Variants in SNX25 observed in about 807,000 individuals in gnomAD.
The protein encoded by SNX25 is sorting nexin-25.
A neutral mutation model predicts 113.7 loss-of-function variants in SNX25; 62 were observed. That is an observed-to-expected ratio of 0.55 (90% confidence interval 0.44 to 0.67). The LOEUF (loss-of-function observed/expected upper bound fraction) is 0.67, where lower values mean the gene tolerates loss of function less well. Ranked by LOEUF, SNX25 falls within the 30% of genes least tolerant of loss-of-function variation. The pLI is 0.00. For missense variants in SNX25, 1,014 were observed against 1,161.0 expected (o/e 0.87, Z 1.84); for synonymous variants, 421 against 436.2 (o/e 0.97, Z 0.43).
intron 8 of SNX25, among the ~76,000 whole-genome samples, chr4:185,322,052 A>C (rs1325339517): frequency 1.3e-5 from 2 of 152,226 alleles, no homozygotes; most frequent in Non-Finnish European, 2.9e-5. Flanking sequence ...CCGTATATGT[A>C]TGTATATGTC....
At chr4:185,265,359 C>T (rs1039791105) in intron 4 of SNX25, among the ~76,000 whole-genome samples, 1 of 152,176 alleles carries the variant, frequency 6.6e-6, no homozygotes, top group Non-Finnish European at 1.5e-5. Context: ...AGACTATAAA[C>T]CTTATACCAT....
chr4:185,319,884 A>G (rs1462612333), intron 7 of SNX25, among the ~76,000 whole-genome samples: 1 of 152,218 alleles, frequency 6.6e-6, no homozygotes, highest in East Asian at 1.9e-4. Context: ...TCAGCTCAGC[A>G]TCACTGATCA....
At chr4:185,253,875 A>AG (rs1335248903) in intron 2 of SNX25, among the ~76,000 whole-genome samples, 1 of 152,268 alleles carries the variant, frequency 6.6e-6, no homozygotes, top group Non-Finnish European at 1.5e-5. Flanking sequence ...TTACATACAC[A>AG]GGGTCATAAC....
At chr4:185,358,026 C>G (rs981922869) in intron 16 of SNX25, among the ~76,000 whole-genome samples, 1 of 152,088 alleles carries the variant, frequency 6.6e-6, no homozygotes, top group Non-Finnish European at 1.5e-5. Flanking sequence ...ATCATGACGA[C>G]GAGTTTGAGT....
At chr4:185,378,627 G>A in the SNX25 span, 1 of 988,960 alleles carries the variant, frequency 1.0e-6, no homozygotes, top group Non-Finnish European at 1.2e-6. Flanking sequence ...TCAAATTAAA[G>A]CACTTGTCTA....
At chr4:185,289,495 G>A (rs540815956) in intron 6 of SNX25, among the ~76,000 whole-genome samples, 4 of 152,294 alleles carry the variant, frequency 2.6e-5, no homozygotes, top group African/African-American at 9.6e-5. Context: ...GAAACTTGAT[G>A]GGGCTGAAGA....
chr4:185,253,578 G>A (rs1579486771), intron 2 of SNX25, among the ~76,000 whole-genome samples: 1 of 150,876 alleles, frequency 6.6e-6, no homozygotes, highest in African/African-American at 2.4e-5. Context: ...AGTGATTCTC[G>A]TGCCTCAGCC....
chr4:185,223,389 G>A (rs747512333), intron 1 of SNX25, among the ~76,000 whole-genome samples: 1 of 152,166 alleles, frequency 6.6e-6, no homozygotes, highest in Non-Finnish European at 1.5e-5. Flanking sequence ...CACATCAGTG[G>A]TGCAGTTCAA....
intron 1 of SNX25, among the ~76,000 whole-genome samples, chr4:185,240,363 C>T (rs1743578504): frequency 6.6e-6 from 1 of 151,640 alleles, no homozygotes; most frequent in African/African-American, 2.4e-5. Flanking sequence ...GCGCCTCTCA[C>T]CTCCCGGACG....
intron 1 of SNX25, among the ~76,000 whole-genome samples, chr4:185,220,513 C>T (rs934324062): frequency 2.8e-5 from 4 of 143,394 alleles, no homozygotes; most frequent in Admixed American, 7.2e-5. Context: ...GATGGAGTCT[C>T]GCTCTGTCAC....
chr4:185,353,597 G>T lies in SNX25; in HGVS notation c.2579G>T (p.Arg860Leu), dbSNP rs202211031. The change falls in exon 15 of 19, where the codon CGA becomes CTA. Residue 860 changes from arginine to leucine, a missense_variant. Arg to Leu is a moderately radical substitution (Grantham distance 102, BLOSUM62 -2). Transcript: ENST00000652585. The stretch of plus-strand genomic sequence containing the variant: ...TTGATTGGGGAGATTTTTGAACTTC[G>T]AGGAAGTAAGCTTCTTTGTTATTAT... ...FMLIGEIFELRGMFKWVRRTL... is the reference protein window; with the variant it reads ...FMLIGEIFELLGMFKWVRRTL... The T allele has an allele frequency of 1.2e-6, 2 of 1,612,266 alleles. No homozygotes were observed. Among genetic ancestry groups the T allele is most frequent in the Non-Finnish European group, 1.7e-6 (2 of 1,178,398 alleles).
chr4:185,344,971 C>T (rs2095278429), intron 12 of SNX25, among the ~76,000 whole-genome samples: 1 of 152,054 alleles, frequency 6.6e-6, no homozygotes, highest in Non-Finnish European at 1.5e-5. Flanking sequence ...ATTGATACTA[C>T]AGAAAAATGT....
intron 6 of SNX25, among the ~76,000 whole-genome samples, chr4:185,298,336 G>A (rs1368231377): frequency 6.6e-6 from 1 of 151,920 alleles, no homozygotes; most frequent in Non-Finnish European, 1.5e-5. Context: ...TGACTCACCC[G>A]CCTCGGCCTC....
Position 185,351,604 on chromosome 4 carries a change from C to G in SNX25, c.2461C>G (p.Gln821Glu). Residue 821 changes from glutamine (Q) to glutamate (E), a missense_variant, in exon 14 of 19, where the codon CAG becomes GAG. Gln to Glu is a conservative substitution (Grantham distance 29). Transcript: ENST00000652585. ...ACTTCCTCGCGACTTCTTCTCCCAC[C>G]AGGAGGTGAGCCGTTGAAAGAGTGA... ...ERLPRDFFSH[Q>E]EEETEEDSDL... is the part of the protein sequence containing the mutation. 6.2e-7 allele frequency: 1 copy of G among 1,613,786 alleles called. No homozygotes were observed. Among genetic ancestry groups the G allele is most frequent in the Non-Finnish European group, 8.5e-7 (1 of 1,179,874 alleles).
chr4:185,268,859 G>A (rs571681610), intron 5 of SNX25, among the ~76,000 whole-genome samples: 2 of 152,112 alleles, frequency 1.3e-5, no homozygotes, highest in South Asian at 2.1e-4. Flanking sequence ...ATAATGACGG[G>A]TTCAATTTAC....
At chr4:185,376,877 G>GGA in the SNX25 span, 1 of 1,487,930 alleles carries the variant, frequency 6.7e-7, no homozygotes. Flanking sequence ...CAGAATTACA[G>GGA]GAAATGAAAA....
At chr4:185,235,063 T>C (rs907447872) in intron 1 of SNX25, among the ~76,000 whole-genome samples, 1 of 152,244 alleles carries the variant, frequency 6.6e-6, no homozygotes, top group Non-Finnish European at 1.5e-5. Context: ...AAAGATCTAA[T>C]GGTTTCATAT....
At chr4:185,278,152 C>T (rs1750022711) in intron 5 of SNX25, among the ~76,000 whole-genome samples, 2 of 152,206 alleles carry the variant, frequency 1.3e-5, no homozygotes, top group Admixed American at 6.5e-5. Flanking sequence ...GCACAAGCCT[C>T]AGGGCTGGCT....
intron 1 of SNX25, among the ~76,000 whole-genome samples, chr4:185,226,648 A>C (rs1741041941): frequency 1.3e-5 from 2 of 152,070 alleles, no homozygotes; most frequent in African/African-American, 4.8e-5. Flanking sequence ...ACAAGGTCTC[A>C]CTATGTTGCC....
Sources: gnomAD v4.1 joint callset for allele counts (sites outside exome capture counted in the v4.1 genomes callset) on GRCh38, gnomAD v4.1.1 for gene constraint, MANE v1.5 for transcripts, NCBI Gene and HGNC (gene_info 2026-07-23, HGNC 2026-07-21) for gene names.